The following SMIM24 variants were observed in gnomAD, a reference collection of about 807,000 sequenced individuals.
SMIM24 encodes small integral membrane protein 24, also known as MAP17-related dimer.
A neutral mutation model predicts 10.8 loss-of-function variants in SMIM24; 6 were observed. That is an observed-to-expected ratio of 0.55 (90% CI 0.30 to 1.09). SMIM24 has a LOEUF of 1.09. SMIM24 is among the 50% of genes least tolerant of loss of function. The pLI is 0.06. For missense variants in SMIM24, 151 were observed against 153.4 expected, an observed-to-expected ratio of 0.98 and a Z score of 0.08; for synonymous variants, 71 against 62.4, an observed-to-expected ratio of 1.14 and a Z score of -0.65.
At chr19:3,477,859 G>A (rs2082800658) in intron 3 of SMIM24, among the ~76,000 whole-genome samples, 1 of 151,634 alleles carries the variant, frequency 6.6e-6, no homozygotes, top group Admixed American at 6.6e-5. Context: ...GGGTGAGTGG[G>A]TGGATGAGTG....
At position 3,477,637 on chromosome 19, in the gene SMIM24, G is replaced by A. The variant is rs1276818655; in HGVS notation, c.239+782C>T. ...GGGTGGATAGGTGAGTGGGTGAATG[G>A]GTGAGTGGGTGGATGGGTGAGTGGG... On this transcript the variant is annotated intron_variant, in intron 3 of 3. Transcript: ENST00000215531. Among the ~76,000 whole-genome samples, 6 of 144,610 alleles carry A rather than the reference G, an allele frequency of 4.1e-5. No homozygotes were observed. The East Asian group carries it at 1.3e-3, about 31-fold the overall frequency. 94.9% of individuals were successfully genotyped at this position (144,610 alleles called of 152,430 possible).
chr19:3,480,055 C>G (rs1306504941), intron 1 of SMIM24, among the ~76,000 whole-genome samples: 3 of 138,128 alleles, frequency 2.2e-5, no homozygotes, highest in South Asian at 2.3e-4. Flanking sequence ...TGAGAAGGAG[C>G]GGTTCACAAA....
In SMIM24 at chr19:3,474,778, C is replaced by T; in HGVS notation, c.*65G>A. The T allele has an allele frequency of 1.3e-6, 2 of 1,513,108 alleles. No individual in the cohort carries two copies. The highest frequency in any genetic ancestry group is 1.3e-5 in the South Asian group (1 of 79,374). 93.7% of individuals were successfully genotyped at this position (1,513,108 alleles called of 1,614,324 possible). ...CATTTCACGGGCTTCAAGTCCAGGGCACTGCTTTTAGGGGGCAGAAGAGGC... is the reference window on the plus strand; with the variant it reads ...CATTTCACGGGCTTCAAGTCCAGGGTACTGCTTTTAGGGGGCAGAAGAGGC... On this transcript the variant is annotated 3_prime_UTR_variant, in exon 4 of 4. Coordinates refer to ENST00000215531, the MANE Select transcript of SMIM24 (RefSeq NM_001136503.2).
chr19:3,474,897 A>G lies in SMIM24; in HGVS notation c.339T>C (p.Asp113=), dbSNP rs1221547907. 1 of 1,551,500 alleles carries G rather than the reference A, an allele frequency of 6.4e-7. No homozygotes were observed. Among genetic ancestry groups the G allele is most frequent in the South Asian group, 1.2e-5 (1 of 84,048 alleles). ...AKEGESNLGL[D]LEEKEPGDHE... Reference sequence around the variant, plus strand: ...GGTCTCCGGGCTCTTTTTCCTCCAGATCCAGTCCCAAGTTGCTCTCTCCTT... The same window carrying G: ...GGTCTCCGGGCTCTTTTTCCTCCAGGTCCAGTCCCAAGTTGCTCTCTCCTT... The change falls in exon 4 of 4, where the codon GAT becomes GAC. Residue 113 remains aspartate, a synonymous_variant. Coordinates refer to ENST00000215531, the MANE Select transcript of SMIM24 (RefSeq NM_001136503.2).
intron 3 of SMIM24, 32 bp downstream of exon 3, chr19:3,478,387 A>C: frequency 1.3e-6 from 2 of 1,540,278 alleles, no homozygotes; most frequent in South Asian, 2.4e-5. Context: ...GGAGGGGTTC[A>C]CACAGACCCC....
intron 1 of SMIM24, 58 bp from the exon 2 acceptor site, chr19:3,478,987 C>A (rs2082805258): frequency 7.5e-7 from 1 of 1,342,252 alleles, no homozygotes. Context: ...GACCCCCTTC[C>A]CCCACCACCC....
chr19:3,474,737 G>C lies in SMIM24; in HGVS notation c.*106C>G. 7.2e-7 allele frequency: 1 copy of C among 1,380,072 alleles called. No individual in the cohort carries two copies. The highest frequency in any genetic ancestry group is 9.6e-7 in the Non-Finnish European group (1 of 1,039,532). The allele number at this position is 1,380,072 out of a possible 1,614,324, so 85.5% of individuals were successfully genotyped here. On this transcript the variant is annotated 3_prime_UTR_variant, in exon 4 of 4. Transcript: ENST00000215531. ...TCTTCACTTGAGAACACTGTATTCT[G>C]AATCCCAGATGGAGTCATTTCACGG...
chr19:3,476,854 TGATGGATG>T (rs111284772), intron 3 of SMIM24, among the ~76,000 whole-genome samples: 47,372 of 111,432 alleles, frequency 0.43, 10,600 homozygotes, highest in East Asian at 0.85. Flanking sequence ...GATGGATAGG[TGATGGATG>T]GATGGATGGA....
In SMIM24 at chr19:3,478,475, A is replaced by G. The variant is rs2082802638; in HGVS notation, c.183T>C (p.Ala61=). The G allele has an allele frequency of 6.5e-7, 1 of 1,547,408 alleles. No homozygotes were observed. Among genetic ancestry groups the G allele is most frequent in the African/African-American group, 1.4e-5 (1 of 72,852 alleles). The change falls in exon 3 of 4, where the codon GCT becomes GCC. Residue 61 remains alanine (A), a synonymous_variant. Coordinates refer to ENST00000215531, the MANE Select transcript of SMIM24 (RefSeq NM_001136503.2). The part of the protein sequence containing the change: ...ANRLWCSKAR[A]EDEEETTFRM... ...TGAACGTGGTCTCCTCCTCGTCCTCAGCCCTGCAGAGATAAAGGGAAAGGT... is the reference window on the plus strand; with the variant it reads ...TGAACGTGGTCTCCTCCTCGTCCTCGGCCCTGCAGAGATAAAGGGAAAGGT...
chr19:3,480,452 C>T lies in SMIM24; in HGVS notation c.12G>A (p.Leu4=). 1 of 1,549,342 alleles carries T rather than the reference C, an allele frequency of 6.5e-7. No individual in the cohort carries two copies. The highest frequency in any genetic ancestry group is 8.7e-7 in the Non-Finnish European group (1 of 1,146,462). ...GAAACTCCAGCACCAGAAGGGCCCC[C>T]AGGGTCTCCATGACGGTCGAGTGAG... MET[L]GALLVLEFLL... The change falls in exon 1 of 4, where the codon CTG becomes CTA. Residue 4 remains leucine, a synonymous_variant. Coordinates refer to ENST00000215531, the MANE Select transcript of SMIM24 (RefSeq NM_001136503.2).
intron 1 of SMIM24, 22 bp from the exon 2 acceptor site, chr19:3,478,951 C>A (rs1486873104): frequency 6.5e-7 from 1 of 1,540,550 alleles, no homozygotes; most frequent in African/African-American, 1.4e-5. Flanking sequence ...TGGGGAGGTT[C>A]GACTCAGAGG....
Position 3,477,268 on chromosome 19 carries a change from G to A in SMIM24, c.239+1151C>T, listed in dbSNP as rs962434397. ...AATGGATGGGTTGGGGGATGGGTGA[G>A]TGGATGGATGGATGGATGGATGGAT... is the stretch of plus-strand genomic sequence containing the variant. On this transcript the variant is annotated intron_variant, in intron 3 of 3. Coordinates refer to ENST00000215531, the MANE Select transcript of SMIM24 (RefSeq NM_001136503.2). Among the ~76,000 whole-genome samples, 497 of 74,714 alleles carry A rather than the reference G, an allele frequency of 6.7e-3. 5 individuals are homozygous for A. Among genetic ancestry groups the A allele is most frequent in the Middle Eastern group, 0.042 (3 of 72 alleles). 49.0% of individuals were successfully genotyped at this position (74,714 alleles called of 152,430 possible). A position where few individuals can be genotyped will look rare whatever the true frequency, so the allele number is the denominator to read the frequency against.
chr19:3,478,525 G>C, intron 2 of SMIM24, 47 bp from the exon 3 acceptor site: 1 of 1,497,076 alleles, frequency 6.7e-7, no homozygotes, highest in Admixed American at 2.2e-5. Context: ...GAGGAGAAAG[G>C]GGGCGGTAAA....
Position 3,478,431 on chromosome 19 carries a change from T to C in SMIM24, c.227A>G (p.Tyr76Cys). Residue 76 changes from tyrosine to cysteine, a missense_variant, in exon 3 of 4, where the codon TAC (tyrosine) becomes TGC (cysteine). Tyr to Cys is a radical substitution (Grantham distance 194, BLOSUM62 -2). Transcript: ENST00000215531. ...ETTFRMESNL[Y>C]QDQSEDKREK... ...GCACGCATAGTACCTCTGGTCCTGG[T>C]ATAGGTTGGACTCCATTCTGAACGT... 6.5e-7 allele frequency: 1 copy of C among 1,548,900 alleles called. No individual in the cohort carries two copies. Among genetic ancestry groups the C allele is most frequent in the Non-Finnish European group, 8.7e-7 (1 of 1,146,220 alleles).
At chr19:3,478,967 A>T in intron 1 of SMIM24, 38 bp from the exon 2 acceptor site, 1 of 1,494,076 alleles carries the variant, frequency 6.7e-7, no homozygotes, top group Non-Finnish European at 9.1e-7. Flanking sequence ...AGAGGAAGAA[A>T]AGGTCAGAAG....
intron 1 of SMIM24, 61 bp from the exon 2 acceptor site, chr19:3,478,990 C>T: frequency 4.5e-6 from 6 of 1,333,940 alleles, no homozygotes; most frequent in Non-Finnish European, 6.3e-6. Context: ...CCCCTTCCCC[C>T]ACCACCCTAG....
Position 3,473,996 on chromosome 19 carries a change from G to C in SMIM24, c.*847C>G, listed in dbSNP as rs2082783190. 1 of 152,350 alleles carries C rather than the reference G, an allele frequency of 6.6e-6. No individual in the cohort carries two copies. The highest frequency in any genetic ancestry group is 1.5e-5 in the Non-Finnish European group (1 of 68,200). The allele number at this position is 152,350 out of a possible 1,614,324, so 9.4% of individuals were successfully genotyped here. On this transcript the variant is annotated 3_prime_UTR_variant, in exon 4 of 4. Coordinates refer to ENST00000215531, the MANE Select transcript of SMIM24 (RefSeq NM_001136503.2). ...GAGCGAGACTCCATCTCAAATAAAA[G>C]AGAAATGGTCATTGTTCAGGGTAAG...
chr19:3,478,732 G>A, intron 2 of SMIM24, 86 bp downstream of exon 2: 1 of 1,103,086 alleles, frequency 9.1e-7, no homozygotes, highest in South Asian at 1.5e-5. Flanking sequence ...GGACTTTGAG[G>A]CTGGTGATGG....
chr19:3,474,815 A>C lies in SMIM24; in HGVS notation c.*28T>G, dbSNP rs941559786. The C allele has an allele frequency of 2.6e-6, 4 of 1,546,944 alleles. No individual in the cohort carries two copies. The African/African-American group carries it at 5.5e-5, about 21-fold the overall frequency. ...GGGGCAGAAGAGGCATCTCTGGGGG[A>C]CTGCCTGGAAGAGGCAGCCAGGAAT... is the stretch of plus-strand genomic sequence containing the variant. On this transcript the variant is annotated 3_prime_UTR_variant, in exon 4 of 4. Transcript: ENST00000215531.
Sources: allele counts gnomAD v4.1 joint callset (sites outside exome capture counted in the v4.1 genomes callset), GRCh38; gene constraint gnomAD v4.1.1; transcripts MANE v1.5; gene names NCBI Gene and HGNC (gene_info 2026-07-23, HGNC 2026-07-21).